Variants in TBC1D5 observed in about 807,000 individuals in gnomAD.
TBC1D5 encodes the protein TBC1 domain family member 5, also known as TBC1 domain family, member 5.
TBC1D5 carries 75 observed loss-of-function variants against 100.3 expected under a neutral mutation model. The ratio of observed to expected loss-of-function variants is 0.75; its 90% confidence interval spans 0.62 to 0.91. The LOEUF is 0.91. Among genes scored for constraint, TBC1D5 ranks in the 40% least tolerant of loss-of-function variants. TBC1D5 has a pLI of 0.00. For synonymous variants in TBC1D5, 323 were observed against 325.6 expected (o/e 0.99, Z 0.09); for missense variants, 910 against 942.4 (o/e 0.97, Z 0.45).
At chr3:17,339,652 A>C (rs2088540369) in intron 13 of TBC1D5, among the ~76,000 whole-genome samples, 1 of 152,240 alleles carries the variant, frequency 6.6e-6, no homozygotes, top group African/African-American at 2.4e-5. Flanking sequence ...TAAATACAGC[A>C]TTAGAAAGGA....
At chr3:17,168,090 AG>A (rs1372072242) in intron 19 of TBC1D5, among the ~76,000 whole-genome samples, 1 of 152,166 alleles carries the variant, frequency 6.6e-6, no homozygotes, top group Non-Finnish European at 1.5e-5. Context: ...ACTTCCAACA[AG>A]AGATCTGGGT....
intron 4 of TBC1D5, among the ~76,000 whole-genome samples, chr3:17,426,885 T>C (rs1454353277): frequency 1.3e-5 from 2 of 150,510 alleles, no homozygotes; most frequent in Non-Finnish European, 2.9e-5. Context: ...TGAAATACAT[T>C]TTTTTGTCTT....
intron 3 of TBC1D5, among the ~76,000 whole-genome samples, chr3:17,497,826 G>A (rs1382303576): frequency 6.6e-6 from 1 of 152,154 alleles, no homozygotes; most frequent in Non-Finnish European, 1.5e-5. Context: ...TCTCTGACTT[G>A]AGTGAGTAAA....
intron 19 of TBC1D5, among the ~76,000 whole-genome samples, chr3:17,170,882 A>G (rs79113921): frequency 0.033 from 4,951 of 152,314 alleles, 138 homozygotes; most frequent in Non-Finnish European, 0.047. Context: ...TGGTTAGTCT[A>G]TAAGAGACTG....
intron 15 of TBC1D5, among the ~76,000 whole-genome samples, chr3:17,259,836 C>T (rs1415224592): frequency 1.3e-5 from 2 of 152,128 alleles, no homozygotes; most frequent in Non-Finnish European, 2.9e-5. Flanking sequence ...AATATTTATA[C>T]AGCTCAACCC....
At chr3:17,468,798 T>C (rs1333749252) in intron 3 of TBC1D5, among the ~76,000 whole-genome samples, 1 of 152,196 alleles carries the variant, frequency 6.6e-6, no homozygotes, top group African/African-American at 2.4e-5. Flanking sequence ...ACTAATGATG[T>C]TCCTTTGTAT....
chr3:17,303,124 T>C (rs911383375), intron 14 of TBC1D5, among the ~76,000 whole-genome samples: 4 of 152,186 alleles, frequency 2.6e-5, no homozygotes, highest in Non-Finnish European at 5.9e-5. Flanking sequence ...TGCTCCCCTC[T>C]ATCTCAATCC....
intron 18 of TBC1D5, among the ~76,000 whole-genome samples, chr3:17,192,804 T>C (rs910289234): frequency 6.6e-6 from 1 of 152,272 alleles, no homozygotes; most frequent in African/African-American, 2.4e-5. Flanking sequence ...ATCCCACTGG[T>C]AGGCTTCCTT....
At chr3:17,695,317 T>A (rs148075446) in intron 1 of TBC1D5, among the ~76,000 whole-genome samples, 2,521 of 151,924 alleles carry the variant, frequency 0.017, 52 homozygotes, top group South Asian at 0.048. Context: ...GGATAAAGAG[T>A]CAAGACCCAT....
chr3:17,524,092 G>A (rs1254042994), intron 2 of TBC1D5, among the ~76,000 whole-genome samples: 1 of 152,106 alleles, frequency 6.6e-6, no homozygotes, highest in African/African-American at 2.4e-5. Context: ...AAATAATACA[G>A]GAAGATTTAA....
At chr3:17,296,038 T>C (rs571193360) in intron 14 of TBC1D5, among the ~76,000 whole-genome samples, 1 of 152,302 alleles carries the variant, frequency 6.6e-6, no homozygotes, top group South Asian at 2.1e-4. Context: ...TGTCTTATAC[T>C]TTCCTACATT....
chr3:17,394,672 T>G (rs1008466556), intron 8 of TBC1D5, among the ~76,000 whole-genome samples: 1 of 152,102 alleles, frequency 6.6e-6, no homozygotes, highest in Non-Finnish European at 1.5e-5. Flanking sequence ...AGTCTTTTCT[T>G]TATTTGAATC....
At chr3:17,482,651 CA>C (rs1253601089) in intron 3 of TBC1D5, among the ~76,000 whole-genome samples, 1 of 152,004 alleles carries the variant, frequency 6.6e-6, no homozygotes, top group Non-Finnish European at 1.5e-5. Context: ...TATTTGCAAA[CA>C]AAATAAAAGA....
At chr3:17,463,917 C>A (rs1281956855) in intron 3 of TBC1D5, among the ~76,000 whole-genome samples, 1 of 150,838 alleles carries the variant, frequency 6.6e-6, no homozygotes, top group East Asian at 1.9e-4. Context: ...TCTCACGTTC[C>A]CAATCAATAC....
At chr3:17,222,426 G>A (rs1336125632) in intron 17 of TBC1D5, among the ~76,000 whole-genome samples, 3 of 152,252 alleles carry the variant, frequency 2.0e-5, no homozygotes, top group African/African-American at 7.2e-5. Context: ...TTTGGGAGCG[G>A]GGAGGGTAGC....
intron 1 of TBC1D5, among the ~76,000 whole-genome samples, chr3:17,733,491 T>TG (rs199783220): frequency 0.02 from 3,030 of 151,566 alleles, 58 homozygotes; most frequent in South Asian, 0.048. Flanking sequence ...AGTAATCACT[T>TG]GGGGGGGGTG....
intron 1 of TBC1D5, among the ~76,000 whole-genome samples, chr3:17,729,657 A>T (rs1296209579): frequency 6.6e-6 from 1 of 152,052 alleles, no homozygotes; most frequent in Non-Finnish European, 1.5e-5. Flanking sequence ...CAGTTAGCCA[A>T]GATCACACCA....
At chr3:17,424,335 TG>T (rs1298560030) in intron 4 of TBC1D5, among the ~76,000 whole-genome samples, 2 of 152,176 alleles carry the variant, frequency 1.3e-5, no homozygotes, top group African/African-American at 2.4e-5. Flanking sequence ...CAGCTGCCCT[TG>T]GGAAGAGGAG....
chr3:17,635,330 G>A (rs940937818), intron 1 of TBC1D5, among the ~76,000 whole-genome samples: 9 of 152,160 alleles, frequency 5.9e-5, no homozygotes, highest in African/African-American at 2.2e-4. Context: ...GATCACTTTG[G>A]TATTTAAAGA....
Sources: gnomAD v4.1 joint callset for allele counts (sites outside exome capture counted in the v4.1 genomes callset) on GRCh38, gnomAD v4.1.1 for gene constraint, MANE v1.5 for transcripts, NCBI Gene and HGNC (gene_info 2026-07-23, HGNC 2026-07-21) for gene names.